Variants in ARHGAP24 observed in about 807,000 individuals in gnomAD.
ARHGAP24 encodes rho GTPase-activating protein 24.
In ARHGAP24, 50 loss-of-function variants were observed where a neutral mutation model predicts 76.4. That is an observed-to-expected ratio of 0.65 (90% confidence interval 0.52 to 0.83). ARHGAP24 has a LOEUF of 0.83. ARHGAP24 is among the 40% of genes least tolerant of loss of function. The pLI, the probability that ARHGAP24 is intolerant of heterozygous loss-of-function variation, is 0.00. For missense variants in ARHGAP24, 930 were observed against 914.2 expected, an observed-to-expected ratio of 1.02 and a Z score of -0.22; for synonymous variants, 345 against 323.3, an observed-to-expected ratio of 1.07 and a Z score of -0.72.
chr4:85,709,377 A>C (rs907587843), intron 2 of ARHGAP24, among the ~76,000 whole-genome samples: 4 of 152,192 alleles, frequency 2.6e-5, no homozygotes, highest in African/African-American at 9.6e-5. Context: ...ATCTCCACAG[A>C]TAAAAATAGT....
Position 85,667,549 on chromosome 4 carries a change from C to T in ARHGAP24, c.181-54336C>T, listed in dbSNP as rs4693123. Among the ~76,000 whole-genome samples the T allele has an allele frequency of 5.1e-3, 776 of 152,302 alleles. 16 individuals are homozygous for T. The highest frequency in any genetic ancestry group is 0.034 in the Admixed American group (520 of 15,304). On this transcript the variant is annotated intron_variant, in intron 2 of 9. Transcript: ENST00000395184. The stretch of plus-strand genomic sequence containing the variant: ...TGGCACTCCTTAGTGAGATGAACCC[C>T]GTACCTCAGATGGAAATGCAGAAAT...
intron 3 of ARHGAP24, among the ~76,000 whole-genome samples, chr4:85,853,266 A>G (rs185522636): frequency 6.6e-6 from 1 of 152,314 alleles, no homozygotes; most frequent in East Asian, 1.9e-4. Context: ...TTCTGTGGGC[A>G]TGGGTCCCAC....
chr4:85,713,141 T>A (rs1339518820), intron 2 of ARHGAP24, among the ~76,000 whole-genome samples: 2 of 151,960 alleles, frequency 1.3e-5, no homozygotes, highest in Non-Finnish European at 2.9e-5. Context: ...CTACAAAAAA[T>A]TTAAAAATTA....
chr4:85,593,762 T>C (rs1215467562), intron 2 of ARHGAP24, among the ~76,000 whole-genome samples: 2 of 152,146 alleles, frequency 1.3e-5, no homozygotes. Context: ...GAGCTCACTG[T>C]TGATGTGTGG....
chr4:85,794,360 G>A (rs908182518), intron 3 of ARHGAP24, among the ~76,000 whole-genome samples: 1 of 152,190 alleles, frequency 6.6e-6, no homozygotes, highest in African/African-American at 2.4e-5. Flanking sequence ...AACACTTTTT[G>A]TAATATTATT....
At chr4:85,497,628 C>A (rs1232426137) in intron 1 of ARHGAP24, among the ~76,000 whole-genome samples, 1 of 152,032 alleles carries the variant, frequency 6.6e-6, no homozygotes, top group Non-Finnish European at 1.5e-5. Context: ...TGGAGACCAG[C>A]CTGACCAACC....
At chr4:85,907,493 CTTT>C (rs1398655040) in intron 3 of ARHGAP24, among the ~76,000 whole-genome samples, 2 of 152,164 alleles carry the variant, frequency 1.3e-5, no homozygotes, top group Non-Finnish European at 2.9e-5. Context: ...CACATTTTCT[CTTT>C]TTGGTTAGCT....
In ARHGAP24 at chr4:85,571,295, C is replaced by A. The variant is rs1421155249; in HGVS notation, c.180+574C>A. On this transcript the variant is annotated intron_variant, in intron 2 of 9. Transcript: ENST00000395184. ...TAGTTCCTTAGTGGTTCTTTATTTG[C>A]TTATTTACTTATTTTCTCAACCACA... Among the ~76,000 whole-genome samples, 5 of 152,230 alleles carry A rather than the reference C, an allele frequency of 3.3e-5. No homozygotes were observed. In the East Asian group the frequency reaches 9.7e-4, roughly 29 times the overall value.
chr4:85,579,174 G>A (rs1288408650), intron 2 of ARHGAP24, among the ~76,000 whole-genome samples: 2 of 151,972 alleles, frequency 1.3e-5, no homozygotes, highest in Admixed American at 1.3e-4. Flanking sequence ...ACCAGTTGAA[G>A]GGAGAACTAT....
At chr4:85,689,262 C>T (rs1723542002) in intron 2 of ARHGAP24, among the ~76,000 whole-genome samples, 1 of 152,136 alleles carries the variant, frequency 6.6e-6, no homozygotes, top group South Asian at 2.1e-4. Flanking sequence ...AGATCTTTCA[C>T]CTCCTTGATT....
intron 3 of ARHGAP24, among the ~76,000 whole-genome samples, chr4:85,880,084 A>C (rs942644628): frequency 1.3e-5 from 2 of 152,306 alleles, no homozygotes; most frequent in African/African-American, 4.8e-5. Context: ...GTTTTTTCCT[A>C]TACATGCATA....
chr4:85,562,459 A>G (rs1006677928), intron 1 of ARHGAP24, among the ~76,000 whole-genome samples: 2 of 151,990 alleles, frequency 1.3e-5, no homozygotes, highest in African/African-American at 4.8e-5. Context: ...TGTGTGTATG[A>G]ACAAGATTTT....
At chr4:85,999,665 C>G (rs912765151) in intron 9 of ARHGAP24, among the ~76,000 whole-genome samples, 1 of 152,156 alleles carries the variant, frequency 6.6e-6, no homozygotes, top group African/African-American at 2.4e-5. Flanking sequence ...TAATACCCCT[C>G]TTTTGAATAA....
At chr4:85,894,339 T>A (rs1734015505) in intron 3 of ARHGAP24, among the ~76,000 whole-genome samples, 1 of 151,908 alleles carries the variant, frequency 6.6e-6, no homozygotes, top group Admixed American at 6.6e-5. Context: ...GGGTCACTAT[T>A]TATAGGGAAG....
intron 3 of ARHGAP24, among the ~76,000 whole-genome samples, chr4:85,741,013 T>G (rs1256391267): frequency 6.6e-6 from 1 of 152,248 alleles, no homozygotes; most frequent in Non-Finnish European, 1.5e-5. Context: ...TTAAGGACAT[T>G]ATTCTCTTCA....
At chr4:85,562,707 T>C (rs990823492) in intron 1 of ARHGAP24, among the ~76,000 whole-genome samples, 7 of 152,148 alleles carry the variant, frequency 4.6e-5, no homozygotes, top group African/African-American at 1.7e-4. Flanking sequence ...TAGGAGGTGG[T>C]ACTGACAAAT....
At chr4:85,582,220 A>G (rs1400095915) in intron 2 of ARHGAP24, among the ~76,000 whole-genome samples, 1 of 152,126 alleles carries the variant, frequency 6.6e-6, no homozygotes, top group Non-Finnish European at 1.5e-5. Flanking sequence ...AGATTTGTAA[A>G]TATTCTGTTT....
intron 5 of ARHGAP24, among the ~76,000 whole-genome samples, chr4:85,954,467 C>T (rs892374289): frequency 1.3e-5 from 2 of 152,212 alleles, no homozygotes; most frequent in African/African-American, 2.4e-5. Flanking sequence ...TGTCCTGATG[C>T]TACACCCCTC....
chr4:85,520,851 G>C lies in ARHGAP24; in HGVS notation c.-21+45292G>C, dbSNP rs577576883. Among the ~76,000 whole-genome samples the C allele has an allele frequency of 1.8e-4, 27 of 152,256 alleles. No homozygotes were observed. The South Asian group carries it at 5.2e-3, about 29-fold the overall frequency. On this transcript the variant is annotated intron_variant, in intron 1 of 9. Transcript: ENST00000395184. ...AAGAATGATTTGACCAATGAAGATA[G>C]AGAGGCACAGTGTGGTGTACTTAAG...
Sources: allele counts gnomAD v4.1 joint callset (sites outside exome capture counted in the v4.1 genomes callset), GRCh38; gene constraint gnomAD v4.1.1; transcripts MANE v1.5; gene names NCBI Gene and HGNC (gene_info 2026-07-23, HGNC 2026-07-21).